NOMO1: variants seen among roughly 807,000 people sequenced by gnomAD.
NOMO1 encodes the protein nodal modulator 3.
NOMO1 carries 40 observed loss-of-function variants against 133.8 expected under a neutral mutation model. The observed-to-expected ratio is 0.30, with a 90% CI of 0.23 to 0.39. The LOEUF (loss-of-function observed/expected upper bound fraction) is 0.39, where lower values mean the gene tolerates loss of function less well. Among genes scored for constraint, NOMO1 ranks in the 10% least tolerant of loss-of-function variants. The pLI, the probability that NOMO1 is intolerant of heterozygous loss-of-function variation, is 1.00. For missense variants in NOMO1, 462 were observed against 1,419.9 expected (o/e 0.33, Z 10.84); for synonymous variants, 236 against 570.5 (o/e 0.41, Z 8.36).
In NOMO1 at chr16:14,882,741, G is replaced by A. The variant is rs1268621115; in HGVS notation, c.3111+64G>A. Reference sequence around the variant, plus strand: ...TGCCTCCCTGATCAGAAGTCCTCCCGTCTCCTCTGGCTGTCTGCCTTTCAT... The same window carrying A: ...TGCCTCCCTGATCAGAAGTCCTCCCATCTCCTCTGGCTGTCTGCCTTTCAT... On this transcript the variant is annotated intron_variant, in intron 26 of 30. Coordinates refer to ENST00000287667, the MANE Select transcript of NOMO1 (RefSeq NM_014287.4). 2.2e-5 allele frequency: 36 copies of A among 1,611,186 alleles called. No individual in the cohort carries two copies. The Admixed American group carries it at 2.3e-4, about 10-fold the overall frequency.
Position 14,885,605 on chromosome 16 carries a change from C to T in NOMO1, c.3222+1123C>T, listed in dbSNP as rs1170618251. On this transcript the variant is annotated intron_variant, in intron 27 of 30. Transcript: ENST00000287667. ...GTCCACTCTGTTCAGGGCTTGCAGGCGTGTGCTTGTAGGGACCAGGCAGGT... is the reference window on the plus strand; with the variant it reads ...GTCCACTCTGTTCAGGGCTTGCAGGTGTGTGCTTGTAGGGACCAGGCAGGT... Among the ~76,000 whole-genome samples the T allele has an allele frequency of 1.1e-3, 152 of 141,330 alleles. 1 individual carries two copies. The highest frequency in any genetic ancestry group is 0.011 in the Admixed American group (150 of 14,270). The allele number at this position is 141,330 out of a possible 152,430, so 92.7% of individuals were successfully genotyped here.
At chr16:14,856,083 T>C (rs1963829653) in intron 9 of NOMO1, among the ~76,000 whole-genome samples, 1 of 152,096 alleles carries the variant, frequency 6.6e-6, no homozygotes, top group Non-Finnish European at 1.5e-5. Flanking sequence ...CGTGCACACA[T>C]TCATTCATTC....
intron 30 of NOMO1, 43 bp from the exon 31 acceptor site, chr16:14,895,468 GCCT>G: frequency 3.1e-6 from 5 of 1,610,570 alleles, no homozygotes; most frequent in African/African-American, 1.3e-5. Flanking sequence ...TCTGGCAAAA[GCCT>G]CCTCTTTGTA....
rs540555058 is a variant in NOMO1, at chr16:14,886,822, C to G, written c.3284C>G (p.Ser1095Cys). Residue 1095 changes from serine to cysteine, a missense_variant, in exon 28 of 31, where the codon TCC becomes TGC. By Grantham distance (112) the Ser-to-Cys change is moderately radical. Transcript: ENST00000287667. ...ATCCAGACAGTTTCCCTTGGCCAGT[C>G]CCTGTTCTTCCATTTCCCCCCACTG... ...NPIQTVSLGQ[S>C]LFFHFPPLLR... 1 of 1,611,724 alleles carries G rather than the reference C, an allele frequency of 6.2e-7. No individual in the cohort carries two copies. Among genetic ancestry groups the G allele is most frequent in the Non-Finnish European group, 8.5e-7 (1 of 1,179,826 alleles).
chr16:14,869,896 G>T (rs1370715835), intron 16 of NOMO1, among the ~76,000 whole-genome samples: 1 of 147,370 alleles, frequency 6.8e-6, no homozygotes, highest in Non-Finnish European at 1.5e-5. Flanking sequence ...CACCTCCTTC[G>T]CCAACATTTG....
chr16:14,866,880 T>A (rs1267367169), intron 15 of NOMO1, among the ~76,000 whole-genome samples, 189 bp downstream of exon 15: 2 of 149,864 alleles, frequency 1.3e-5, no homozygotes, highest in African/African-American at 5.0e-5. Flanking sequence ...AGGACCCCTG[T>A]ATTTAGGAGG....
At chr16:14,845,084 C>T (rs1963659423) in intron 4 of NOMO1, among the ~76,000 whole-genome samples, 1 of 151,778 alleles carries the variant, frequency 6.6e-6, no homozygotes, top group South Asian at 2.1e-4. Context: ...TGCAGTGGTG[C>T]AATCTTGACT....
In NOMO1 at chr16:14,864,634, A is replaced by C; in HGVS notation, c.1445A>C (p.Gln482Pro). 1 of 1,613,250 alleles carries C rather than the reference A, an allele frequency of 6.2e-7. No individual in the cohort carries two copies. Among genetic ancestry groups the C allele is most frequent in the Non-Finnish European group, 8.5e-7 (1 of 1,179,784 alleles). The change falls in exon 13 of 31, where the codon CAG becomes CCG. Residue 482 changes from glutamine (Q) to proline (P), a missense_variant. By Grantham distance (76) the Gln-to-Pro change is moderately conservative. Transcript: ENST00000287667. ...AGAGCAGGGCTGACGTTGAAACCCC[A>C]GACATTTCCTCTTACTGTGACCAAC... The part of the protein sequence containing the change: ...ETRAGLTLKP[Q>P]TFPLTVTNRP...
intron 29 of NOMO1, among the ~76,000 whole-genome samples, chr16:14,889,546 C>A (rs1964377444): frequency 1.3e-5 from 2 of 151,660 alleles, no homozygotes; most frequent in Non-Finnish European, 2.9e-5. Flanking sequence ...AGAAAAAAAA[C>A]AAAACAAAAC....
rs1964369762 is a variant in NOMO1, at chr16:14,889,148, T to A, written c.3377T>A (p.Ile1126Asn). The change falls in exon 29 of 31, where the codon ATC becomes AAC. Residue 1126 changes from isoleucine (I) to asparagine (N), a missense_variant. Transcript: ENST00000287667. ...STLPRSQYDY[I>N]LPQVSFTAVG... Reference sequence around the variant, plus strand: ...CTCCCCAGATCCCAGTATGACTACATCTTGCCTCAAGTTTCTTTCACCGCA... The same window carrying A: ...CTCCCCAGATCCCAGTATGACTACAACTTGCCTCAAGTTTCTTTCACCGCA... The A allele has an allele frequency of 6.2e-7, 1 of 1,611,694 alleles. No homozygotes were observed.
intron 26 of NOMO1, among the ~76,000 whole-genome samples, chr16:14,882,969 C>G (rs1005952313): frequency 4.6e-5 from 7 of 152,080 alleles, no homozygotes; most frequent in African/African-American, 1.7e-4. Flanking sequence ...AAGGCCTAAG[C>G]AGCATTTCAA....
intron 12 of NOMO1, 63 bp from the exon 13 acceptor site, chr16:14,864,522 C>T: frequency 6.2e-7 from 1 of 1,608,106 alleles, no homozygotes; most frequent in Non-Finnish European, 8.5e-7. Context: ...TTCTAGCGCC[C>T]TGTAGGTCAG....
chr16:14,887,472 T>G (rs1964343265), intron 28 of NOMO1, among the ~76,000 whole-genome samples: 1 of 151,868 alleles, frequency 6.6e-6, no homozygotes, highest in Non-Finnish European at 1.5e-5. Context: ...TCTTTTTTTT[T>G]TTTATTTTTA....
chr16:14,835,958 C>T (rs1379605882), intron 1 of NOMO1, among the ~76,000 whole-genome samples: 1 of 151,822 alleles, frequency 6.6e-6, no homozygotes, highest in Non-Finnish European at 1.5e-5. Context: ...AAACTCCATA[C>T]TCTCATGAGA....
chr16:14,886,713 G>C, intron 27 of NOMO1, 48 bp from the exon 28 acceptor site: 1 of 1,610,320 alleles, frequency 6.2e-7, no homozygotes, highest in Non-Finnish European at 8.5e-7. Context: ...ATGAAATATT[G>C]ATTGTGTTTC....
rs556798819 is a variant in NOMO1 at position 14,880,633 on chromosome 16, C to T, written c.2885+491C>T. On this transcript the variant is annotated intron_variant, in intron 24 of 30. Coordinates refer to ENST00000287667, the MANE Select transcript of NOMO1 (RefSeq NM_014287.4). The stretch of plus-strand genomic sequence containing the variant: ...CTGATCTCAGATGATCTGCCTGCCT[C>T]GGTCTCCCAAAGTGTTGGGATTACA... 1.9e-3 allele frequency among the ~76,000 whole-genome samples: 292 copies of T among 152,030 alleles called. 4 individuals are homozygous for T. Among genetic ancestry groups the T allele is most frequent in the African/African-American group, 4.9e-3 (204 of 41,392 alleles).
At position 14,874,333 on chromosome 16, in the gene NOMO1, C is replaced by G. The variant is rs578174936; in HGVS notation, c.2055-703C>G. Among the ~76,000 whole-genome samples, 1,099 of 152,012 alleles carry G rather than the reference C, an allele frequency of 7.2e-3. 13 individuals carry two copies. The highest frequency in any genetic ancestry group is 8.9e-3 in the Non-Finnish European group (602 of 67,984). On this transcript the variant is annotated intron_variant, in intron 18 of 30. Coordinates refer to ENST00000287667, the MANE Select transcript of NOMO1 (RefSeq NM_014287.4). ...GACTCTTCCGTGGGCCCCTGTGCCC[C>G]AGGCTGGACTGGTGTTGCCATTGCT... is the stretch of plus-strand genomic sequence containing the variant.
chr16:14,880,476 C>T (rs1299389655), intron 24 of NOMO1, among the ~76,000 whole-genome samples: 2 of 151,858 alleles, frequency 1.3e-5, no homozygotes, highest in Non-Finnish European at 2.9e-5. Flanking sequence ...ACTGCAACCT[C>T]TGCCTCCTGG....
chr16:14,853,938 T>C lies in NOMO1; in HGVS notation c.875T>C (p.Ile292Thr). Residue 292 changes from isoleucine (I) to threonine (T), a missense_variant and splice_region_variant, in exon 9 of 31, where the codon ATT (isoleucine) becomes ACT (threonine). Physicochemically the swap from Ile to Thr is moderately conservative, Grantham distance 89. Transcript: ENST00000287667. ...YSLPSGGYTV[I>T]PFYRGERITF... is the part of the protein sequence containing the mutation. ...TGATTAACAGACTCTTCCTTCCAGA[T>C]TCCGTTCTATCGAGGGGAGAGGATT... 1 of 1,610,944 alleles carries C rather than the reference T, an allele frequency of 6.2e-7. No homozygotes were observed. Among genetic ancestry groups the C allele is most frequent in the East Asian group, 2.2e-5 (1 of 44,816 alleles).
Sources: gnomAD v4.1 joint callset for allele counts (sites outside exome capture counted in the v4.1 genomes callset) on GRCh38, gnomAD v4.1.1 for gene constraint, MANE v1.5 for transcripts, NCBI Gene and HGNC (gene_info 2026-07-23, HGNC 2026-07-21) for gene names.